The following TM6SF1 variants were observed in gnomAD, a reference collection of about 807,000 sequenced individuals.
TM6SF1 encodes the protein transmembrane 6 superfamily member 1.
In TM6SF1, 43 loss-of-function variants were observed where a neutral mutation model predicts 47.1. The ratio of observed to expected loss-of-function variants is 0.91; its 90% CI spans 0.72 to 1.18. The LOEUF is 1.18. Ranked by LOEUF, TM6SF1 falls within the 50% of genes most tolerant of loss-of-function variation. TM6SF1 has a pLI of 0.00. For synonymous variants in TM6SF1, 177 were observed against 166.3 expected (o/e 1.06, Z -0.49); for missense variants, 390 against 449.0 (o/e 0.87, Z 1.19).
chr15:83,121,707 T>G (rs945182686), intron 4 of TM6SF1, among the ~76,000 whole-genome samples: 2 of 152,216 alleles, frequency 1.3e-5, no homozygotes, highest in Non-Finnish European at 2.9e-5. Context: ...AATTTCCTAT[T>G]TAAAAGGACA....
At chr15:83,113,098 G>A (rs953670839) in intron 2 of TM6SF1, 198 bp downstream of exon 2, 4 of 591,104 alleles carry the variant, frequency 6.8e-6, no homozygotes, top group Admixed American at 5.9e-5. Context: ...CCTCTCCCAG[G>A]TGGCATCCCG....
intron 4 of TM6SF1, chr15:83,119,965 A>C: frequency 3.0e-6 from 1 of 328,416 alleles, no homozygotes; most frequent in Non-Finnish European, 5.6e-6. Flanking sequence ...AATTAAAGCT[A>C]AGCACATCTT....
At chr15:83,122,232 G>A (rs1225551586) in intron 5 of TM6SF1, among the ~76,000 whole-genome samples, 1 of 152,060 alleles carries the variant, frequency 6.6e-6, no homozygotes, top group Non-Finnish European at 1.5e-5. Context: ...AAGTTATCAG[G>A]GATTCCTGTT....
In TM6SF1 at chr15:83,126,805, A is replaced by G; in HGVS notation, c.759A>G (p.Gln253=). 2 of 1,614,098 alleles carry G rather than the reference A, an allele frequency of 1.2e-6. No individual in the cohort carries two copies. Among genetic ancestry groups the G allele is most frequent in the Non-Finnish European group, 1.7e-6 (2 of 1,179,984 alleles). The part of the protein sequence containing the change: ...SELCRLYTQF[Q]EPYLKDPAAY... Reference sequence around the variant, plus strand: ...TCTGCCGATTATATACGCAATTTCAAGAGCCCTATCTAAAGGATCCTGCTG... The same window carrying G: ...TCTGCCGATTATATACGCAATTTCAGGAGCCCTATCTAAAGGATCCTGCTG... Residue 253 remains glutamine (Q), a synonymous_variant, in exon 8 of 10, where the codon CAA becomes CAG. Coordinates refer to ENST00000322019, the MANE Select transcript of TM6SF1 (RefSeq NM_023003.5).
At chr15:83,118,064 T>TAA (rs920915609) in intron 3 of TM6SF1, among the ~76,000 whole-genome samples, 10 of 152,120 alleles carry the variant, frequency 6.6e-5, no homozygotes, top group African/African-American at 2.4e-4. Flanking sequence ...GTTTCACCAT[T>TAA]AATATAGAGA....
intron 9 of TM6SF1, chr15:83,127,863 G>T (rs1168829441): frequency 3.8e-6 from 1 of 261,508 alleles, no homozygotes. Flanking sequence ...TAAGACTTCA[G>T]AATTCCACTA....
intron 6 of TM6SF1, 143 bp from the exon 7 acceptor site, chr15:83,124,529 T>A: frequency 1.6e-6 from 1 of 620,032 alleles, no homozygotes; most frequent in South Asian, 2.2e-5. Flanking sequence ...ATGATTTTCC[T>A]AAAGTTCCAT....
At position 83,137,020 on chromosome 15, in the gene TM6SF1, G is replaced by A. The variant is rs1020852068; in HGVS notation, c.*348G>A. The A allele has an allele frequency of 6.2e-6, 1 of 162,292 alleles. No homozygotes were observed. Among genetic ancestry groups the A allele is most frequent in the Non-Finnish European group, 1.3e-5 (1 of 74,516 alleles). The allele number at this position is 162,292 out of a possible 1,614,324, so 10.1% of individuals were successfully genotyped here. ...AATGAAACTATTCAAAAGAGAATAT[G>A]GCCTGTGCATATTAAAAAATTCAAA... On this transcript the variant is annotated 3_prime_UTR_variant, in exon 10 of 10. Transcript: ENST00000322019.
intron 9 of TM6SF1, chr15:83,134,226 T>G (rs1042781085): frequency 1.4e-5 from 2 of 146,628 alleles, no homozygotes; most frequent in African/African-American, 2.5e-5. Flanking sequence ...ACATGAATCT[T>G]TTTTTTTTTT....
chr15:83,133,474 A>G (rs1256615694), intron 9 of TM6SF1: 1 of 152,224 alleles, frequency 6.6e-6, no homozygotes, highest in African/African-American at 2.4e-5. Flanking sequence ...CCAATCATCC[A>G]TTCTTAAAAA....
chr15:83,113,046 G>A, intron 2 of TM6SF1, 146 bp downstream of exon 2: 2 of 688,672 alleles, frequency 2.9e-6, no homozygotes, highest in South Asian at 1.7e-5. Context: ...GGACAATCTG[G>A]CCCTCGCCTC....
chr15:83,113,108 G>T (rs74735964), intron 2 of TM6SF1: 1 of 583,570 alleles, frequency 1.7e-6, no homozygotes, highest in East Asian at 2.9e-5. Flanking sequence ...GTGGCATCCC[G>T]GTGGAGAGTT....
Position 83,127,553 on chromosome 15 carries a change from G to A in TM6SF1, c.921+76G>A, listed in dbSNP as rs1179378484. 22 of 1,550,310 alleles carry A rather than the reference G, an allele frequency of 1.4e-5. No individual in the cohort carries two copies. The East Asian group carries it at 4.8e-4, about 34-fold the overall frequency. On this transcript the variant is annotated intron_variant, in intron 9 of 9. Transcript: ENST00000322019. ...TGTTGAATATATGAAAAACTTCTCT[G>A]CTCAGTGTTTTAGACTAGGAGATAG...
At chr15:83,121,875 A>G in intron 4 of TM6SF1, 46 bp from the exon 5 acceptor site, 1 of 1,439,826 alleles carries the variant, frequency 6.9e-7, no homozygotes, top group African/African-American at 1.4e-5. Context: ...TTAGTATTCT[A>G]AGACAAACAT....
In TM6SF1 at chr15:83,136,655, G is replaced by A. The variant is rs1269617141; in HGVS notation, c.1096G>A (p.Glu366Lys). 1 of 1,592,746 alleles carries A rather than the reference G, an allele frequency of 6.3e-7. No individual in the cohort carries two copies. The highest frequency in any genetic ancestry group is 8.5e-7 in the Non-Finnish European group (1 of 1,174,654). ...KPEFFIKTKA[E>K]EKVE The stretch of plus-strand genomic sequence containing the variant: ...AGAGTTCTTCATAAAAACAAAGGCA[G>A]AAGAAAAAGTGGAATAAAAATATTA... The change falls in exon 10 of 10, where the codon GAA (glutamate) becomes AAA (lysine). Residue 366 changes from glutamate to lysine, a missense_variant. Coordinates refer to ENST00000322019, the MANE Select transcript of TM6SF1 (RefSeq NM_023003.5).
In TM6SF1 at chr15:83,109,228, G is replaced by C. The variant is rs866939223; in HGVS notation, c.92+1456G>C. On this transcript the variant is annotated intron_variant, in intron 1 of 9. Coordinates refer to ENST00000322019, the MANE Select transcript of TM6SF1 (RefSeq NM_023003.5). ...AGGAGGAGGTAACACTTGAGCTATG[G>C]GAAGATCTGGGAATGGAGCCTGTCG... 2.6e-5 allele frequency among the ~76,000 whole-genome samples: 4 copies of C among 152,304 alleles called. 1 individual carries two copies. The Middle Eastern group carries it at 0.014, about 518-fold the overall frequency.
At chr15:83,110,754 C>A (rs532444918) in intron 1 of TM6SF1, among the ~76,000 whole-genome samples, 280 of 152,336 alleles carry the variant, frequency 1.8e-3, no homozygotes, top group African/African-American at 6.4e-3. Flanking sequence ...TTCAGCTCAT[C>A]CCCACAGGAG....
intron 1 of TM6SF1, among the ~76,000 whole-genome samples, chr15:83,111,303 C>A (rs1281027956): frequency 6.6e-6 from 1 of 151,518 alleles, no homozygotes; most frequent in Non-Finnish European, 1.5e-5. Flanking sequence ...TCCATCAATT[C>A]ATCCATCATC....
chr15:83,126,457 C>T (rs913956286), intron 7 of TM6SF1, among the ~76,000 whole-genome samples: 3 of 152,102 alleles, frequency 2.0e-5, no homozygotes, highest in Non-Finnish European at 4.4e-5. Context: ...AAGTGAAACT[C>T]ATAATTTAAA....
Sources: allele counts gnomAD v4.1 joint callset (sites outside exome capture counted in the v4.1 genomes callset), GRCh38; gene constraint gnomAD v4.1.1; transcripts MANE v1.5; gene names NCBI Gene and HGNC (gene_info 2026-07-23, HGNC 2026-07-21).